SLCO1B3: variants seen among roughly 807,000 people sequenced by gnomAD.
The protein encoded by SLCO1B3 is liver-specific organic anion transporter 2.
SLCO1B3 carries 72 observed loss-of-function variants against 71.8 expected under a neutral mutation model. The ratio of observed to expected loss-of-function variants is 1.00; its 90% CI spans 0.83 to 1.22. The LOEUF is 1.22. Ranked by LOEUF, SLCO1B3 falls within the 50% of genes most tolerant of loss-of-function variation. The pLI, the probability that SLCO1B3 is intolerant of heterozygous loss-of-function variation, is 0.00. For synonymous variants in SLCO1B3, 298 were observed against 278.4 expected (o/e 1.07, Z -0.70); for missense variants, 911 against 819.7 (o/e 1.11, Z -1.36).
intron 5 of SLCO1B3, 128 bp from the exon 6 acceptor site, chr12:20,860,889 C>T: frequency 1.0e-6 from 1 of 955,956 alleles, no homozygotes. Flanking sequence ...GGGAAGTTGA[C>T]AAACAAGATT....
chr12:20,910,536 G>A lies in SLCO1B3; in HGVS notation c.1866-5468G>A, dbSNP rs543920796. Among the ~76,000 whole-genome samples the A allele has an allele frequency of 3.1e-4, 47 of 152,288 alleles. 1 individual carries two copies. Among genetic ancestry groups the A allele is most frequent in the Non-Finnish European group, 6.0e-4 (41 of 67,992 alleles). ...GGCTTGCATTGAATCTGTGTATCAAGTTGGGACAAACTGACATCTTGACAA... is the reference window on the plus strand; with the variant it reads ...GGCTTGCATTGAATCTGTGTATCAAATTGGGACAAACTGACATCTTGACAA... On this transcript the variant is annotated intron_variant, in intron 15 of 15. Transcript: ENST00000381545.
At chr12:20,816,186 C>G (rs1322607526) in intron 3 of SLCO1B3, among the ~76,000 whole-genome samples, 2 of 152,116 alleles carry the variant, frequency 1.3e-5, no homozygotes, top group Admixed American at 6.6e-5. Context: ...TTTCCTCAAG[C>G]ATTTTTTCAT....
intron 3 of SLCO1B3, among the ~76,000 whole-genome samples, chr12:20,824,886 A>G (rs755786002): frequency 2.0e-5 from 3 of 152,182 alleles, no homozygotes; most frequent in Non-Finnish European, 4.4e-5. Flanking sequence ...AAAATACTTA[A>G]TATGATAATA....
At position 20,916,866 on chromosome 12, in the gene SLCO1B3, A is replaced by G. The variant is rs1038422304; in HGVS notation, c.*619A>G. On this transcript the variant is annotated 3_prime_UTR_variant, in exon 16 of 16. Coordinates refer to ENST00000381545, the MANE Select transcript of SLCO1B3 (RefSeq NM_019844.4). ...TACGTGTTAAGTTTCTACTGGACCC[A>G]TGGAAGTGGATTAAGAAAAACCGAC... The G allele has an allele frequency of 2.6e-5, 4 of 152,148 alleles. No homozygotes were observed. Among genetic ancestry groups the G allele is most frequent in the African/African-American group, 9.7e-5 (4 of 41,438 alleles). 9.4% of individuals were successfully genotyped at this position (152,148 alleles called of 1,614,324 possible). A position where few individuals can be genotyped will look rare whatever the true frequency, so the allele number is the denominator to read the frequency against.
At chr12:20,899,865 G>A (rs1011356383) in intron 14 of SLCO1B3, among the ~76,000 whole-genome samples, 6 of 152,150 alleles carry the variant, frequency 3.9e-5, no homozygotes, top group African/African-American at 1.4e-4. Flanking sequence ...ATGGCACAAT[G>A]GACCCTAAAT....
At chr12:20,906,165 A>G (rs557427791) in intron 15 of SLCO1B3, among the ~76,000 whole-genome samples, 1 of 152,300 alleles carries the variant, frequency 6.6e-6, no homozygotes, top group African/African-American at 2.4e-5. Context: ...TATATCAATC[A>G]ATAAAAAGAA....
At chr12:20,884,547 G>T (rs1416984254) in intron 13 of SLCO1B3, among the ~76,000 whole-genome samples, 2 of 152,036 alleles carry the variant, frequency 1.3e-5, no homozygotes, top group African/African-American at 2.4e-5. Context: ...TGAGTGAGAG[G>T]GGTATGGCAG....
At position 20,889,228 on chromosome 12, in the gene SLCO1B3, A is replaced by T. The variant is rs536656626; in HGVS notation, c.1682+5626A>T. Among the ~76,000 whole-genome samples, 51 of 152,092 alleles carry T rather than the reference A, an allele frequency of 3.4e-4. 2 individuals are homozygous for T. Among genetic ancestry groups the T allele is most frequent in the South Asian group, 3.1e-3 (15 of 4,828 alleles). ...GCTGACTTCATAGAATTAGTTGAAG[A>T]GGATTCCTTCCCCCTTGATTTTTTG... On this transcript the variant is annotated intron_variant, in intron 13 of 15. Transcript: ENST00000381545.
In SLCO1B3 at chr12:20,875,106, T is replaced by C. The variant is rs1360482164; in HGVS notation, c.728-129T>C. The stretch of plus-strand genomic sequence containing the variant: ...ATATGAAAAGAAGAAAATAGTGTTT[T>C]AGAATTGAAAGTAAACATTTGGTTT... On this transcript the variant is annotated intron_variant, in intron 8 of 15. Coordinates refer to ENST00000381545, the MANE Select transcript of SLCO1B3 (RefSeq NM_019844.4). The C allele has an allele frequency of 4.2e-6, 5 of 1,181,492 alleles. No individual in the cohort carries two copies. The African/African-American group carries it at 7.7e-5, about 18-fold the overall frequency. 73.2% of individuals were successfully genotyped at this position (1,181,492 alleles called of 1,614,324 possible). A position where few individuals can be genotyped will look rare whatever the true frequency, so the allele number is the denominator to read the frequency against.
At chr12:20,868,997 A>T (rs1405909154) in intron 8 of SLCO1B3, among the ~76,000 whole-genome samples, 2 of 152,094 alleles carry the variant, frequency 1.3e-5, no homozygotes, top group Non-Finnish European at 2.9e-5. Context: ...AGTGTACAGG[A>T]TGGAACATGA....
intron 3 of SLCO1B3, among the ~76,000 whole-genome samples, chr12:20,819,141 G>T (rs1489832026): frequency 6.6e-6 from 1 of 152,018 alleles, no homozygotes; most frequent in African/African-American, 2.4e-5. Context: ...AGGTCAAGTT[G>T]TTTGGACAGA....
rs1222316523 is a variant in SLCO1B3 at position 20,878,047 on chromosome 12, T to A, written c.1135+111T>A. The A allele has an allele frequency of 5.7e-6, 4 of 698,842 alleles. No individual in the cohort carries two copies. In the African/African-American group the frequency reaches 5.7e-5, roughly 10 times the overall value. The allele number at this position is 698,842 out of a possible 1,614,324, so 43.3% of individuals were successfully genotyped here. ...ATTTTATATTTTACTAAATGTAATC[T>A]TATTATGTCTCAAACTTTACAAAAT... On this transcript the variant is annotated intron_variant, in intron 10 of 15. Transcript: ENST00000381545.
intron 8 of SLCO1B3, among the ~76,000 whole-genome samples, chr12:20,868,257 T>C (rs1865410114): frequency 6.6e-6 from 1 of 151,956 alleles, no homozygotes; most frequent in Non-Finnish European, 1.5e-5. Context: ...GGAACATACC[T>C]ACCCAAATAT....
intron 15 of SLCO1B3, 90 bp from the exon 16 acceptor site, chr12:20,915,914 C>A: frequency 5.3e-6 from 5 of 939,226 alleles, no homozygotes; most frequent in Non-Finnish European, 7.9e-6. Context: ...GTTTTTCTTT[C>A]TTTTAAGATA....
At chr12:20,839,987 A>T (rs1864761916) in intron 3 of SLCO1B3, among the ~76,000 whole-genome samples, 1 of 152,054 alleles carries the variant, frequency 6.6e-6, no homozygotes, top group Non-Finnish European at 1.5e-5. Flanking sequence ...CAATATTTTG[A>T]TCTCTAGCAT....
intron 3 of SLCO1B3, among the ~76,000 whole-genome samples, chr12:20,823,169 A>G (rs2121098947): frequency 6.6e-6 from 1 of 152,314 alleles, no homozygotes; most frequent in African/African-American, 2.4e-5. Flanking sequence ...TGTTGTCAGT[A>G]GGCACATATG....
chr12:20,839,813 T>C (rs1381474205), intron 3 of SLCO1B3, among the ~76,000 whole-genome samples: 1 of 152,174 alleles, frequency 6.6e-6, no homozygotes, highest in East Asian at 1.9e-4. Flanking sequence ...TTTGTAGTTA[T>C]CCCTTAGCTT....
intron 3 of SLCO1B3, among the ~76,000 whole-genome samples, chr12:20,820,704 A>G (rs189143832): frequency 0.02 from 2,976 of 152,258 alleles, 89 homozygotes; most frequent in African/African-American, 0.068. Context: ...ATTGGGTAAT[A>G]AAATGTATAT....
intron 11 of SLCO1B3, among the ~76,000 whole-genome samples, chr12:20,880,544 C>T (rs1428955643): frequency 4.0e-5 from 6 of 151,860 alleles, no homozygotes; most frequent in African/African-American, 1.5e-4. Context: ...TGATAAAGAC[C>T]TCTTGTCTAA....
Sources: allele counts gnomAD v4.1 joint callset (sites outside exome capture counted in the v4.1 genomes callset), GRCh38; gene constraint gnomAD v4.1.1; transcripts MANE v1.5; gene names NCBI Gene and HGNC (gene_info 2026-07-23, HGNC 2026-07-21).